LURAP1L: variants seen among roughly 807,000 people sequenced by gnomAD.
The protein encoded by LURAP1L is leucine rich adaptor protein 1 like.
A neutral mutation model predicts 13.8 loss-of-function variants in LURAP1L; 12 were observed. The ratio of observed to expected loss-of-function variants is 0.87; its 90% CI spans 0.56 to 1.41. The LOEUF is 1.41. Among genes scored for constraint, LURAP1L ranks in the 40% most tolerant of loss-of-function variants. The pLI is 0.00. For synonymous variants in LURAP1L, 139 were observed against 119.2 expected (o/e 1.17, Z -1.08); for missense variants, 375 against 292.9 (o/e 1.28, Z -2.04).
In LURAP1L at chr9:12,822,931, T is replaced by C. The variant is rs116963642; in HGVS notation, c.*1171T>C. Among the ~76,000 whole-genome samples the C allele has an allele frequency of 0.067, 10,270 of 152,280 alleles. 449 individuals carry two copies. The highest frequency in any genetic ancestry group is 0.1 in the Non-Finnish European group (6,787 of 68,008). ...ATAATACAAATCAAAAAATCTTCCT[T>C]CTTATAACTGAGAAATGTTTCACCC... is the stretch of plus-strand genomic sequence containing the variant. On this transcript the variant is annotated 3_prime_UTR_variant, in exon 2 of 2. Coordinates refer to ENST00000319264, the MANE Select transcript of LURAP1L (RefSeq NM_203403.2).
intron 1 of LURAP1L, among the ~76,000 whole-genome samples, chr9:12,810,223 C>T (rs1819717884): frequency 6.6e-6 from 1 of 152,154 alleles, no homozygotes; most frequent in Non-Finnish European, 1.5e-5. Flanking sequence ...GTGCGGGGTG[C>T]CCCTGAGACT....
At chr9:12,794,376 A>T (rs1014095001) in intron 1 of LURAP1L, among the ~76,000 whole-genome samples, 3 of 152,040 alleles carry the variant, frequency 2.0e-5, no homozygotes, top group Non-Finnish European at 4.4e-5. Flanking sequence ...AAATATCATT[A>T]AGTTGATTTT....
intron 1 of LURAP1L, among the ~76,000 whole-genome samples, chr9:12,808,285 T>C (rs558313511): frequency 1.1e-4 from 16 of 152,162 alleles, no homozygotes; most frequent in Non-Finnish European, 1.8e-4. Flanking sequence ...TCCATTTTTG[T>C]TGGTCTCAGA....
chr9:12,787,712 A>T (rs938311778), intron 1 of LURAP1L, among the ~76,000 whole-genome samples: 1 of 152,170 alleles, frequency 6.6e-6, no homozygotes, highest in African/African-American at 2.4e-5. Flanking sequence ...TGTTCCTCAA[A>T]AGACAATTCC....
At chr9:12,820,837 T>A (rs754625421) in intron 1 of LURAP1L, among the ~76,000 whole-genome samples, 8 of 152,126 alleles carry the variant, frequency 5.3e-5, no homozygotes, top group Non-Finnish European at 8.8e-5. Flanking sequence ...TTTCTTCATG[T>A]GTAAAATGAA....
At chr9:12,796,995 T>C (rs117510915) in intron 1 of LURAP1L, among the ~76,000 whole-genome samples, 1,565 of 152,158 alleles carry the variant, frequency 0.01, 9 homozygotes, top group South Asian at 0.02. Flanking sequence ...TATTAAAGGC[T>C]AGAAGTTATT....
chr9:12,809,013 T>C (rs944310198), intron 1 of LURAP1L, among the ~76,000 whole-genome samples: 2 of 152,140 alleles, frequency 1.3e-5, no homozygotes, highest in African/African-American at 2.4e-5. Context: ...CTTACAATCA[T>C]GGCAGAAGGA....
intron 1 of LURAP1L, among the ~76,000 whole-genome samples, chr9:12,780,824 C>T (rs142785952): frequency 0.019 from 2,965 of 152,064 alleles, 44 homozygotes; most frequent in Middle Eastern, 0.041. Flanking sequence ...GAAAAGTTCA[C>T]TTAATCTTAC....
At chr9:12,816,888 C>T (rs1027557012) in intron 1 of LURAP1L, among the ~76,000 whole-genome samples, 3 of 152,094 alleles carry the variant, frequency 2.0e-5, no homozygotes, top group South Asian at 2.1e-4. Context: ...ACCTTTGGAC[C>T]GATCAGTCTA....
At chr9:12,801,090 A>G (rs1286546360) in intron 1 of LURAP1L, among the ~76,000 whole-genome samples, 1 of 152,186 alleles carries the variant, frequency 6.6e-6, no homozygotes, top group Non-Finnish European at 1.5e-5. Context: ...GGGCTTTTAC[A>G]TAAGGATAAA....
intron 1 of LURAP1L, among the ~76,000 whole-genome samples, chr9:12,783,588 G>A (rs748619919): frequency 4.6e-5 from 7 of 152,046 alleles, no homozygotes; most frequent in Non-Finnish European, 7.4e-5. Context: ...TTAATGTGTT[G>A]TTGAATTAGG....
At chr9:12,780,578 CTG>C (rs1406335083) in intron 1 of LURAP1L, among the ~76,000 whole-genome samples, 4 of 152,072 alleles carry the variant, frequency 2.6e-5, no homozygotes, top group African/African-American at 9.7e-5. Flanking sequence ...ACAAGAACCA[CTG>C]TGAGCCTGGC....
At chr9:12,820,514 C>CAAA (rs1160341281) in intron 1 of LURAP1L, among the ~76,000 whole-genome samples, 2,600 of 41,808 alleles carry the variant, frequency 0.062, 285 homozygotes, top group African/African-American at 0.21. Flanking sequence ...CCCCCCCCCC[C>CAAA]AAAAAAAAAA....
At chr9:12,781,092 C>T (rs1819263742) in intron 1 of LURAP1L, among the ~76,000 whole-genome samples, 1 of 152,152 alleles carries the variant, frequency 6.6e-6, no homozygotes. Context: ...CTGCCTCAGC[C>T]TCCCGAGTAG....
intron 1 of LURAP1L, among the ~76,000 whole-genome samples, chr9:12,795,097 T>G (rs531582816): frequency 1.3e-5 from 2 of 152,122 alleles, no homozygotes; most frequent in South Asian, 4.1e-4. Context: ...GGTCAATTGC[T>G]TATCAATTTA....
intron 1 of LURAP1L, among the ~76,000 whole-genome samples, chr9:12,799,011 C>G (rs1000062683): frequency 6.6e-6 from 1 of 152,172 alleles, no homozygotes; most frequent in African/African-American, 2.4e-5. Context: ...CAGTCCTAAA[C>G]TGTCATCAGA....
At chr9:12,783,081 A>C (rs530664642) in intron 1 of LURAP1L, among the ~76,000 whole-genome samples, 1 of 149,670 alleles carries the variant, frequency 6.7e-6, no homozygotes, top group Non-Finnish European at 1.5e-5. Context: ...ACTTTACTCA[A>C]CTTATCAGTT....
In LURAP1L at chr9:12,793,615, G is replaced by A. The variant is rs7038787; in HGVS notation, c.312+17588G>A. ...GTGAAGCAATTGACTATTTCCACTC[G>A]AAGTTGAAATCTTATGGGGATTCAT... is the stretch of plus-strand genomic sequence containing the variant. On this transcript the variant is annotated intron_variant, in intron 1 of 1. Transcript: ENST00000319264. Among the ~76,000 whole-genome samples the A allele has an allele frequency of 7.9e-3, 1,202 of 152,106 alleles. 30 individuals carry two copies. The highest frequency in any genetic ancestry group is 0.027 in the African/African-American group (1,131 of 41,524).
At chr9:12,798,559 G>A (rs540486097) in intron 1 of LURAP1L, among the ~76,000 whole-genome samples, 109 of 152,264 alleles carry the variant, frequency 7.2e-4, no homozygotes, top group African/African-American at 2.5e-3. Flanking sequence ...TTCCTTAAAT[G>A]TGGTGACCCA....
Sources: allele counts gnomAD v4.1 joint callset (sites outside exome capture counted in the v4.1 genomes callset), GRCh38; gene constraint gnomAD v4.1.1; transcripts MANE v1.5; gene names NCBI Gene and HGNC (gene_info 2026-07-23, HGNC 2026-07-21).